RBFOX3: variants seen among roughly 807,000 people sequenced by gnomAD.
The protein encoded by RBFOX3 is RNA binding fox-1 homolog 3.
In RBFOX3, 17 loss-of-function variants were observed where a neutral mutation model predicts 48.7. The ratio of observed to expected loss-of-function variants is 0.35; its 90% CI spans 0.24 to 0.52. RBFOX3 has a LOEUF of 0.52. RBFOX3 is among the 20% of genes least tolerant of loss of function. RBFOX3 has a pLI of 0.94. For missense variants in RBFOX3, 382 were observed against 497.5 expected (o/e 0.77, Z 2.21); for synonymous variants, 212 against 209.5 (o/e 1.01, Z -0.10).
At chr17:79,334,840 G>A (rs992415547) in intron 2 of RBFOX3, among the ~76,000 whole-genome samples, 1 of 152,218 alleles carries the variant, frequency 6.6e-6, no homozygotes, top group Non-Finnish European at 1.5e-5. Flanking sequence ...TGTGCCTGTT[G>A]CCTGTGCCTG....
At chr17:79,287,539 T>G (rs958527160) in intron 3 of RBFOX3, among the ~76,000 whole-genome samples, 1 of 152,038 alleles carries the variant, frequency 6.6e-6, no homozygotes. Context: ...ATCCACAACG[T>G]GAGATTCTCC....
chr17:79,115,217 C>T (rs1001904562), intron 5 of RBFOX3, among the ~76,000 whole-genome samples: 5 of 152,214 alleles, frequency 3.3e-5, no homozygotes, highest in African/African-American at 1.2e-4. Flanking sequence ...AGGACGGTGG[C>T]TGCCACCCCA....
intron 3 of RBFOX3, among the ~76,000 whole-genome samples, chr17:79,259,677 G>GGCTCCCTT (rs1430295317): frequency 2.0e-5 from 3 of 152,116 alleles, no homozygotes; most frequent in Non-Finnish European, 4.4e-5. Flanking sequence ...CAGTAGACCG[G>GGCTCCCTT]GCTCCCTTTG....
chr17:79,507,969 GCTCT>G (rs1209870876), intron 1 of RBFOX3, among the ~76,000 whole-genome samples: 3 of 151,978 alleles, frequency 2.0e-5, no homozygotes, highest in Non-Finnish European at 2.9e-5. Context: ...CTTTTCTCTA[GCTCT>G]TCCCACCAAA....
intron 1 of RBFOX3, among the ~76,000 whole-genome samples, chr17:79,536,651 C>G (rs995992729): frequency 6.7e-6 from 1 of 148,450 alleles, no homozygotes; most frequent in Non-Finnish European, 1.5e-5. Context: ...GCATGCTTGC[C>G]CCGCCCCAGC....
intron 2 of RBFOX3, among the ~76,000 whole-genome samples, chr17:79,411,856 T>C (rs1161298105): frequency 6.6e-6 from 1 of 152,188 alleles, no homozygotes; most frequent in Non-Finnish European, 1.5e-5. Context: ...GCCAATTAAA[T>C]GGAAAATATG....
chr17:79,097,697 T>C lies in RBFOX3; in HGVS notation c.617A>G (p.Tyr206Cys), dbSNP rs979417860. 4.7e-5 allele frequency: 65 copies of C among 1,386,992 alleles called. No individual in the cohort carries two copies. The highest frequency in any genetic ancestry group is 6.3e-5 in the Non-Finnish European group (65 of 1,034,388). 85.9% of individuals were successfully genotyped at this position (1,386,992 alleles called of 1,614,324 possible). Residue 206 changes from tyrosine (Y) to cysteine (C), a missense_variant, in exon 10 of 15, where the codon TAT (tyrosine) becomes TGT (cysteine). This residue lies in a region of RBFOX3 where 215 missense variants were observed against 254.8 expected (regional missense o/e 0.84). Transcript: ENST00000693108. Reference protein sequence around the residue: ...VVGAVYGPEFYAVTGFPYPTT... With the variant: ...VVGAVYGPEFCAVTGFPYPTT... ...CGCCCCGCCCCAGCTTTTACCTGCA[T>C]AGAATTCAGGCCCGTAGACTGCGCC...
chr17:79,179,187 G>A (rs928712633), intron 4 of RBFOX3, among the ~76,000 whole-genome samples: 1 of 152,186 alleles, frequency 6.6e-6, no homozygotes, highest in Non-Finnish European at 1.5e-5. Context: ...TACCTTAGAG[G>A]GAAGAGAGAA....
chr17:79,656,989 C>T, the RBFOX3 span, among the ~76,000 whole-genome samples: 1 of 152,094 alleles, frequency 6.6e-6, no homozygotes, highest in Non-Finnish European at 1.5e-5. Flanking sequence ...AGTTTGCTGA[C>T]CTCTGTTCCT....
At position 79,118,477 on chromosome 17, in the gene RBFOX3, G is replaced by A. The variant is rs935135074; in HGVS notation, c.-33-2729C>T. On this transcript the variant is annotated intron_variant, in intron 4 of 14. Coordinates refer to ENST00000693108, the MANE Select transcript of RBFOX3 (RefSeq NM_001350451.2). ...GGAAGGAGAGTCAGGGCACCCAGGA[G>A]GGGTGGAGAGCATCTAGAACCCAGG... Among the ~76,000 whole-genome samples the A allele has an allele frequency of 3.9e-5, 6 of 152,226 alleles. No individual in the cohort carries two copies. In the East Asian group the frequency reaches 9.6e-4, roughly 24 times the overall value.
chr17:79,278,232 G>A (rs1323135951), intron 3 of RBFOX3, among the ~76,000 whole-genome samples: 2 of 152,178 alleles, frequency 1.3e-5, no homozygotes, highest in Non-Finnish European at 2.9e-5. Flanking sequence ...GGCCTGACGG[G>A]CTCCCTGGCC....
intron 5 of RBFOX3, among the ~76,000 whole-genome samples, chr17:79,113,950 G>A (rs2032998332): frequency 6.6e-6 from 1 of 152,168 alleles, no homozygotes; most frequent in African/African-American, 2.4e-5. Context: ...CGGTTCTGTT[G>A]TTCAGTTAGA....
Position 79,374,690 on chromosome 17 carries a change from G to C in RBFOX3, c.-174-66866C>G, listed in dbSNP as rs140049883. On this transcript the variant is annotated intron_variant, in intron 2 of 14. Coordinates refer to ENST00000693108, the MANE Select transcript of RBFOX3 (RefSeq NM_001350451.2). Reference sequence around the variant, plus strand: ...GCGGGCTTTCTCCTTGTTTTCACACGTGTAGGTGTGCCTGGCTTTTAAGAA... The same window carrying C: ...GCGGGCTTTCTCCTTGTTTTCACACCTGTAGGTGTGCCTGGCTTTTAAGAA... Among the ~76,000 whole-genome samples, 691 of 152,342 alleles carry C rather than the reference G, an allele frequency of 4.5e-3. 6 individuals carry two copies. The highest frequency in any genetic ancestry group is 0.016 in the African/African-American group (650 of 41,574).
chr17:79,655,525 C>G, the RBFOX3 span, among the ~76,000 whole-genome samples: 3 of 152,354 alleles, frequency 2.0e-5, no homozygotes, highest in African/African-American at 7.2e-5. Flanking sequence ...GTTTTACCTT[C>G]TAATTTTGGC....
At chr17:79,662,495 A>T in the RBFOX3 span, among the ~76,000 whole-genome samples, 44 of 152,190 alleles carry the variant, frequency 2.9e-4, no homozygotes, top group African/African-American at 9.6e-4. Context: ...GGTTGCAAAG[A>T]TCTGCCATGC....
chr17:79,454,087 G>A (rs1191686063), intron 2 of RBFOX3, among the ~76,000 whole-genome samples: 5 of 152,102 alleles, frequency 3.3e-5, no homozygotes, highest in African/African-American at 1.2e-4. Flanking sequence ...ATGCGCCAGG[G>A]GAGGCAATGC....
chr17:79,365,875 CA>C (rs2057671818), intron 2 of RBFOX3, among the ~76,000 whole-genome samples: 1 of 152,222 alleles, frequency 6.6e-6, no homozygotes, highest in South Asian at 2.1e-4. Context: ...GCACAGCGGC[CA>C]CACCTCTGGG....
At chr17:79,630,391 T>C in the RBFOX3 span, among the ~76,000 whole-genome samples, 8 of 152,336 alleles carry the variant, frequency 5.3e-5, no homozygotes, top group East Asian at 1.4e-3. Context: ...TTATTTGTTG[T>C]TCAGTGGCCA....
At chr17:79,330,891 C>A (rs148491714) in intron 2 of RBFOX3, among the ~76,000 whole-genome samples, 2 of 152,204 alleles carry the variant, frequency 1.3e-5, no homozygotes, top group Admixed American at 6.5e-5. Flanking sequence ...GCTCTGACAG[C>A]CTGGGGCAGC....
Sources: gnomAD v4.1 joint callset for allele counts (sites outside exome capture counted in the v4.1 genomes callset) on GRCh38, gnomAD v4.1.1 for gene constraint, gnomAD v4.1.1 regional missense constraint, MANE v1.5 for transcripts, NCBI Gene and HGNC (gene_info 2026-07-23, HGNC 2026-07-21) for gene names.